The following PCSK2 variants were observed in gnomAD, a reference collection of about 807,000 sequenced individuals.
PCSK2 encodes neuroendocrine convertase 2.
PCSK2 carries 14 observed loss-of-function variants against 69.7 expected under a neutral mutation model. The ratio of observed to expected loss-of-function variants is 0.20; its 90% CI spans 0.13 to 0.31. The LOEUF (loss-of-function observed/expected upper bound fraction) is 0.31, where lower values mean the gene tolerates loss of function less well. Ranked by LOEUF, PCSK2 falls within the 10% of genes least tolerant of loss-of-function variation. The pLI, the probability that PCSK2 is intolerant of heterozygous loss-of-function variation, is 1.00. For synonymous variants in PCSK2, 307 were observed against 320.7 expected (o/e 0.96, Z 0.46); for missense variants, 544 against 842.5 (o/e 0.65, Z 4.39).
chr20:17,483,377 C>G lies in PCSK2; in HGVS notation c.*1307C>G, dbSNP rs1381128072. On this transcript the variant is annotated 3_prime_UTR_variant, in exon 12 of 12. Coordinates refer to ENST00000262545, the MANE Select transcript of PCSK2 (RefSeq NM_002594.5). ...TCCCTGAGACCATTTAACATGCAAC[C>G]CGAAGGTTATGGTCAATCCCAAAAG... 6.6e-6 allele frequency: 1 copy of G among 152,184 alleles called. No homozygotes were observed. Among genetic ancestry groups the G allele is most frequent in the African/African-American group, 2.4e-5 (1 of 41,416 alleles). The allele number at this position is 152,184 out of a possible 1,614,324, so 9.4% of individuals were successfully genotyped here. A position where few individuals can be genotyped will look rare whatever the true frequency, so the allele number is the denominator to read the frequency against.
chr20:17,262,261 T>TA (rs1274108968), intron 2 of PCSK2, among the ~76,000 whole-genome samples: 1 of 152,202 alleles, frequency 6.6e-6, no homozygotes, highest in African/African-American at 2.4e-5. Context: ...AGGATCCAGG[T>TA]AGCCAATTGC....
At chr20:17,416,819 A>G (rs962302457) in intron 6 of PCSK2, among the ~76,000 whole-genome samples, 3 of 152,252 alleles carry the variant, frequency 2.0e-5, no homozygotes, top group Non-Finnish European at 4.4e-5. Context: ...TGGCACATAT[A>G]CATCACAGAA....
At chr20:17,235,773 T>A (rs555371723) in intron 1 of PCSK2, among the ~76,000 whole-genome samples, 1 of 152,132 alleles carries the variant, frequency 6.6e-6, no homozygotes, top group Non-Finnish European at 1.5e-5. Flanking sequence ...ATATCTTTCC[T>A]CTTAAGATTT....
At chr20:17,308,443 A>T (rs1485728712) in intron 2 of PCSK2, among the ~76,000 whole-genome samples, 1 of 152,200 alleles carries the variant, frequency 6.6e-6, no homozygotes, top group Admixed American at 6.5e-5. Flanking sequence ...AAAGAACTAA[A>T]CATGCAAAGA....
chr20:17,337,238 A>T (rs1990380113), intron 2 of PCSK2, among the ~76,000 whole-genome samples: 1 of 152,242 alleles, frequency 6.6e-6, no homozygotes, highest in Admixed American at 6.5e-5. Flanking sequence ...CTTGCCTCAA[A>T]GAACAACAAA....
intron 2 of PCSK2, among the ~76,000 whole-genome samples, chr20:17,299,954 T>C (rs956849716): frequency 6.6e-6 from 1 of 152,204 alleles, no homozygotes; most frequent in Non-Finnish European, 1.5e-5. Context: ...GCTAGTCTTC[T>C]TAGAGTCTAG....
intron 11 of PCSK2, chr20:17,479,311 T>C (rs772618585): frequency 1.5e-5 from 12 of 820,146 alleles, no homozygotes; most frequent in Non-Finnish European, 2.6e-5. Context: ...GTCCACTGGT[T>C]GATGTTGTTG....
rs759609145 is a variant in PCSK2 at position 17,484,295 on chromosome 20, A to C, written c.*2225A>C. ...TGGCAAGTTTTGATATGAGTATACA[A>C]TATATAAAAATATATATAGTGCTAT... On this transcript the variant is annotated 3_prime_UTR_variant, in exon 12 of 12. Coordinates refer to ENST00000262545, the MANE Select transcript of PCSK2 (RefSeq NM_002594.5). The C allele has an allele frequency of 6.6e-6, 1 of 152,502 alleles. No individual in the cohort carries two copies. The highest frequency in any genetic ancestry group is 1.5e-5 in the Non-Finnish European group (1 of 67,984). 9.4% of individuals were successfully genotyped at this position (152,502 alleles called of 1,614,324 possible). A position where few individuals can be genotyped will look rare whatever the true frequency, so the allele number is the denominator to read the frequency against.
chr20:17,393,113 T>TG (rs2031425414), intron 5 of PCSK2, among the ~76,000 whole-genome samples: 1 of 152,206 alleles, frequency 6.6e-6, no homozygotes, highest in Non-Finnish European at 1.5e-5. Context: ...AGGCGTTGTG[T>TG]AGCCGTTCAT....
intron 3 of PCSK2, among the ~76,000 whole-genome samples, chr20:17,359,846 C>T (rs1162474831): frequency 6.6e-6 from 1 of 152,168 alleles, no homozygotes; most frequent in Non-Finnish European, 1.5e-5. Flanking sequence ...TACAAAGACA[C>T]ATGAAGATTG....
chr20:17,259,898 G>A (rs1446716427), intron 1 of PCSK2, among the ~76,000 whole-genome samples: 3 of 152,140 alleles, frequency 2.0e-5, no homozygotes, highest in African/African-American at 7.2e-5. Flanking sequence ...CTAGACCAAG[G>A]AAGGCAAGGA....
chr20:17,452,697 A>C (rs997643437), intron 8 of PCSK2, among the ~76,000 whole-genome samples: 1 of 152,214 alleles, frequency 6.6e-6, no homozygotes, highest in African/African-American at 2.4e-5. Context: ...TGCCTCCGGC[A>C]CTGCATGGCT....
intron 2 of PCSK2, among the ~76,000 whole-genome samples, chr20:17,273,840 T>C (rs1044258912): frequency 9.2e-5 from 14 of 152,182 alleles, no homozygotes; most frequent in African/African-American, 3.1e-4. Context: ...TATAATGCTG[T>C]TGAAAGTTTC....
intron 11 of PCSK2, among the ~76,000 whole-genome samples, chr20:17,469,248 T>C (rs955997036): frequency 2.6e-5 from 4 of 152,244 alleles, no homozygotes; most frequent in African/African-American, 7.2e-5. Context: ...AATGTGAGAC[T>C]GGAAGTCACT....
chr20:17,365,016 T>C (rs574610863), intron 4 of PCSK2, among the ~76,000 whole-genome samples: 2 of 152,320 alleles, frequency 1.3e-5, no homozygotes, highest in East Asian at 3.9e-4. Flanking sequence ...CCAACAGGAC[T>C]CCAGGGGATT....
intron 11 of PCSK2, among the ~76,000 whole-genome samples, chr20:17,477,929 T>G (rs2033320738): frequency 6.6e-6 from 1 of 152,206 alleles, no homozygotes; most frequent in Non-Finnish European, 1.5e-5. Flanking sequence ...CTGCTAATGA[T>G]TGTATACTTT....
intron 1 of PCSK2, among the ~76,000 whole-genome samples, chr20:17,229,376 T>G (rs1348443901): frequency 6.7e-6 from 1 of 150,136 alleles, no homozygotes; most frequent in Admixed American, 6.6e-5. Flanking sequence ...AATTCTTGAG[T>G]GTGATCTTGC....
Position 17,320,359 on chromosome 20 carries a change from G to T in PCSK2, c.283-37968G>T, listed in dbSNP as rs931620498. Among the ~76,000 whole-genome samples the T allele has an allele frequency of 2.6e-5, 4 of 152,260 alleles. No individual in the cohort carries two copies. The East Asian group carries it at 5.8e-4, about 22-fold the overall frequency. The stretch of plus-strand genomic sequence containing the variant: ...CTTGGTCGCAAGACACATCCTCCTG[G>T]AATCAGTGTCTTCTTTTCATAACTG... On this transcript the variant is annotated intron_variant, in intron 2 of 11. Transcript: ENST00000262545.
At chr20:17,353,225 G>C (rs1040446667) in intron 2 of PCSK2, among the ~76,000 whole-genome samples, 1 of 128,184 alleles carries the variant, frequency 7.8e-6, no homozygotes, top group South Asian at 2.3e-4. Flanking sequence ...CACTTTGGGA[G>C]GCCAAGGCGG....
Sources: allele counts gnomAD v4.1 joint callset (sites outside exome capture counted in the v4.1 genomes callset), GRCh38; gene constraint gnomAD v4.1.1; transcripts MANE v1.5; gene names NCBI Gene and HGNC (gene_info 2026-07-23, HGNC 2026-07-21).